The following BRD4 variants were observed in gnomAD, a reference collection of about 807,000 sequenced individuals.
BRD4 encodes bromodomain-containing protein 4.
BRD4 carries 16 observed loss-of-function variants against 142.1 expected under a neutral mutation model. The observed-to-expected ratio is 0.11, with a 90% CI of 0.08 to 0.17. The LOEUF is 0.17. BRD4 is among the 10% of genes least tolerant of loss of function. BRD4 has a pLI of 1.00. For missense variants in BRD4, 1,424 were observed against 1,810.9 expected, an observed-to-expected ratio of 0.79 and a Z score of 3.88; for synonymous variants, 833 against 707.5, an observed-to-expected ratio of 1.18 and a Z score of -2.82.
intron 1 of BRD4, among the ~76,000 whole-genome samples, chr19:15,321,015 C>T (rs2048056822): frequency 6.6e-6 from 1 of 152,202 alleles, no homozygotes; most frequent in Non-Finnish European, 1.5e-5. Flanking sequence ...GGATGGATCA[C>T]CTGAGGTCAG....
In BRD4 at chr19:15,239,151, G is replaced by T; in HGVS notation, c.3690C>A (p.Ala1230=). Residue 1230 remains alanine, a synonymous_variant, in exon 18 of 20, where the codon GCC becomes GCA. Transcript: ENST00000679869. This position sits in a 1 kb window ranked among gnomAD's most constrained non-coding sequence, Gnocchi z 7.4. ...SSDSFEQFRR[A]AREKEEREKA... ...TCTCACGCTCCTCTTTCTCCCGAGCGGCGCGGCGGAACTGCTCGAAGCTGT... is the reference window on the plus strand; with the variant it reads ...TCTCACGCTCCTCTTTCTCCCGAGCTGCGCGGCGGAACTGCTCGAAGCTGT... The T allele has an allele frequency of 6.2e-7, 1 of 1,612,310 alleles. No homozygotes were observed. Among genetic ancestry groups the T allele is most frequent in the Non-Finnish European group, 8.5e-7 (1 of 1,179,916 alleles).
At chr19:15,251,574 G>A (rs2047347368) in intron 11 of BRD4, among the ~76,000 whole-genome samples, 1 of 151,906 alleles carries the variant, frequency 6.6e-6, no homozygotes, top group African/African-American at 2.4e-5. Context: ...GGACATCAGG[G>A]CTGCCGGGAT....
intron 1 of BRD4, among the ~76,000 whole-genome samples, chr19:15,321,577 A>G (rs1260761724): frequency 6.6e-6 from 1 of 152,120 alleles, no homozygotes; most frequent in Non-Finnish European, 1.5e-5. Context: ...GTGATAAAGA[A>G]CAAGTACTGA....
chr19:15,322,676 C>T (rs1444910833), intron 1 of BRD4, among the ~76,000 whole-genome samples: 2 of 140,492 alleles, frequency 1.4e-5, no homozygotes, highest in African/African-American at 5.4e-5. Flanking sequence ...CACAGTGAAA[C>T]CCCATCTCTA....
At chr19:15,262,664 C>G (rs999720586) in intron 7 of BRD4, among the ~76,000 whole-genome samples, 14 of 151,712 alleles carry the variant, frequency 9.2e-5, no homozygotes, top group African/African-American at 3.4e-4. Context: ...CAGAGGCTGC[C>G]GTGAGCTATG....
chr19:15,244,472 AGGCGGGGGT>A lies in BRD4; in HGVS notation c.2331_2339del (p.Pro781_Pro783del). The A allele has an allele frequency of 2.1e-5, 3 of 141,876 alleles. No homozygotes were observed. Among genetic ancestry groups the A allele is most frequent in the African/African-American group, 1.2e-4 (1 of 8,646 alleles). 8.8% of individuals were successfully genotyped at this position (141,876 alleles called of 1,614,324 possible). A position where few individuals can be genotyped will look rare whatever the true frequency, so the allele number is the denominator to read the frequency against. On this transcript the variant is annotated inframe_deletion, in exon 13 of 20. Transcript: ENST00000679869. ...CCTGCTGCGGCATGGAGGGTGGGGGAGGCGGGGGTGGCGGCTGCTGTTGCTGCTGCGGAG... is the reference window on the plus strand; with the variant it reads ...CCTGCTGCGGCATGGAGGGTGGGGGAGGCGGCTGCTGTTGCTGCTGCGGAG...
In BRD4 at chr19:15,272,799, T is replaced by G. The variant is rs777379680; in HGVS notation, c.285+16A>C. The G allele has an allele frequency of 4.4e-6, 7 of 1,608,802 alleles. No individual in the cohort carries two copies. The highest frequency in any genetic ancestry group is 1.7e-4 in the Middle Eastern group (1 of 5,754). ...CCTCCAGGACGGCCACCCTGGGCCC[T>G]GCCCACACTACTCACAGGGAGGTTC... On this transcript the variant is annotated intron_variant, in intron 2 of 19. Coordinates refer to ENST00000679869, the MANE Select transcript of BRD4 (RefSeq NM_001379291.1).
At chr19:15,262,667 G>A (rs1310845619) in intron 7 of BRD4, among the ~76,000 whole-genome samples, 2 of 151,934 alleles carry the variant, frequency 1.3e-5, no homozygotes, top group Non-Finnish European at 2.9e-5. Flanking sequence ...AGGCTGCCGT[G>A]AGCTATGACT....
chr19:15,327,604 T>A (rs942531567), intron 1 of BRD4, among the ~76,000 whole-genome samples: 2 of 151,992 alleles, frequency 1.3e-5, no homozygotes, highest in Admixed American at 6.6e-5. Flanking sequence ...CTATTCACAA[T>A]TGCCAAAAAG....
intron 1 of BRD4, among the ~76,000 whole-genome samples, chr19:15,304,115 T>C (rs1484156325): frequency 6.6e-6 from 1 of 152,194 alleles, no homozygotes; most frequent in East Asian, 1.9e-4. Flanking sequence ...GATCGCTAAC[T>C]TTTTTACACT....
chr19:15,240,077 G>C (rs2047227041), intron 14 of BRD4, 55 bp from the exon 15 acceptor site: 3 of 1,549,864 alleles, frequency 1.9e-6, no homozygotes, highest in African/African-American at 2.7e-5. Context: ...TGCTGGCCCT[G>C]AGAGAATTGT....
At chr19:15,292,044 TC>T (rs1391038568) in intron 1 of BRD4, among the ~76,000 whole-genome samples, 1 of 152,194 alleles carries the variant, frequency 6.6e-6, no homozygotes, top group Non-Finnish European at 1.5e-5. Context: ...ACAAAATGAT[TC>T]CCTAAATAAA....
chr19:15,267,312 T>C, intron 4 of BRD4, 104 bp downstream of exon 4: 1 of 1,390,250 alleles, frequency 7.2e-7, no homozygotes, highest in South Asian at 1.3e-5. Flanking sequence ...CGGCATGCAG[T>C]ATATAATGTC....
At chr19:15,291,005 T>C (rs913410883) in intron 1 of BRD4, among the ~76,000 whole-genome samples, 3 of 152,082 alleles carry the variant, frequency 2.0e-5, no homozygotes, top group Non-Finnish European at 2.9e-5. Context: ...AAGAAGTGGG[T>C]ATGATGGCAC....
At chr19:15,282,577 T>C (rs2145650478) in intron 1 of BRD4, among the ~76,000 whole-genome samples, 1 of 152,364 alleles carries the variant, frequency 6.6e-6, no homozygotes, top group African/African-American at 2.4e-5. Context: ...CTTCAGGCAC[T>C]ACACCTGGCC....
chr19:15,244,031 C>T (rs1440444401), intron 13 of BRD4, among the ~76,000 whole-genome samples, 200 bp downstream of exon 13: 5 of 152,202 alleles, frequency 3.3e-5, no homozygotes, highest in East Asian at 1.9e-4. Context: ...TCTGAATCAA[C>T]GTGTTAATAA....
chr19:15,317,417 C>T (rs1406271926), intron 1 of BRD4, among the ~76,000 whole-genome samples: 1 of 152,170 alleles, frequency 6.6e-6, no homozygotes, highest in Non-Finnish European at 1.5e-5. Flanking sequence ...TGTCTGGCTC[C>T]ACCACTTTAA....
At chr19:15,321,907 G>A (rs982701688) in intron 1 of BRD4, among the ~76,000 whole-genome samples, 10 of 152,084 alleles carry the variant, frequency 6.6e-5, no homozygotes, top group African/African-American at 2.4e-4. Context: ...AACACAGTGG[G>A]TACAGGGAAG....
rs367681003 is a variant in BRD4 at position 15,265,516 on chromosome 19, G to A, written c.687C>T (p.Thr229=). 5 of 1,614,004 alleles carry A rather than the reference G, an allele frequency of 3.1e-6. No individual in the cohort carries two copies. The highest frequency in any genetic ancestry group is 4.2e-6 in the Non-Finnish European group (5 of 1,179,978). Residue 229 remains threonine (T), a synonymous_variant, in exon 5 of 20, where the codon ACC becomes ACT. Coordinates refer to ENST00000679869, the MANE Select transcript of BRD4 (RefSeq NM_001379291.1). The part of the protein sequence containing the change: ...QATPHPFPAV[T]PDLIVQTPVM... Reference sequence around the variant, plus strand: ...CAGGGGTCTGGACGATGAGGTCCGGGGTGACGGCAGGGAAGGGGTGAGGCG... The same window carrying A: ...CAGGGGTCTGGACGATGAGGTCCGGAGTGACGGCAGGGAAGGGGTGAGGCG...
Sources: allele counts gnomAD v4.1 joint callset (sites outside exome capture counted in the v4.1 genomes callset), GRCh38; gene constraint gnomAD v4.1.1; non-coding constraint Gnocchi (gnomAD v3.1); transcripts MANE v1.5; gene names NCBI Gene and HGNC (gene_info 2026-07-23, HGNC 2026-07-21).